Variants in ACIN1 observed in about 807,000 individuals in gnomAD.
The protein encoded by ACIN1 is apoptotic chromatin condensation inducer 1.
ACIN1 carries 16 observed loss-of-function variants against 146.6 expected under a neutral mutation model. The observed-to-expected ratio is 0.11, with a 90% CI of 0.07 to 0.17. The LOEUF is 0.17. Ranked by LOEUF, ACIN1 falls within the 10% of genes least tolerant of loss-of-function variation. The pLI is 1.00. For synonymous variants in ACIN1, 569 were observed against 582.7 expected (o/e 0.98, Z 0.34); for missense variants, 1,357 against 1,609.3 (o/e 0.84, Z 2.68).
intron 18 of ACIN1, 40 bp downstream of exon 18, chr14:23,061,044 C>T (rs750934197): frequency 1.3e-6 from 2 of 1,585,574 alleles, no homozygotes; most frequent in Admixed American, 1.7e-5. Context: ...CCTCAAGCCT[C>T]AGTGCCACTA....
chr14:23,063,079 CAAG>C lies in ACIN1; in HGVS notation c.2738-8_2738-6del. On this transcript the variant is annotated splice_polypyrimidine_tract_variant and splice_region_variant and intron_variant, in intron 13 of 18. Coordinates refer to ENST00000605057, the MANE Select transcript of ACIN1 (RefSeq NM_001386863.1). ...TTAAGGTATCTCCTAAAGTCACTAT[CAAG>C]AAGACCACAAGAACAGCTTTTGGTA... 1 of 1,600,944 alleles carries C rather than the reference CAAG, an allele frequency of 6.2e-7. No individual in the cohort carries two copies. The highest frequency in any genetic ancestry group is 8.5e-7 in the Non-Finnish European group (1 of 1,175,266).
upstream of ACIN1, chr14:23,095,605 G>C (rs915753242): frequency 2.8e-6 from 1 of 352,342 alleles, no homozygotes; most frequent in Admixed American, 4.5e-5. Flanking sequence ...GGTGCCCTTC[G>C]AGAGAAAAGG....
chr14:23,091,312 T>A (rs2048219946), intron 2 of ACIN1, among the ~76,000 whole-genome samples: 1 of 152,090 alleles, frequency 6.6e-6, no homozygotes. Flanking sequence ...TTTGGTAGTA[T>A]CAAGACTGAA....
intron 10 of ACIN1, among the ~76,000 whole-genome samples, chr14:23,064,915 G>GAA (rs2047403966): frequency 4.8e-5 from 5 of 103,626 alleles, no homozygotes; most frequent in African/African-American, 9.3e-5. Context: ...AAAAAGAAAA[G>GAA]AAATCATATT....
rs772165019 is a variant in ACIN1 at position 23,067,454 on chromosome 14, G to A, written c.2266-1446C>T. On this transcript the variant is annotated intron_variant, in intron 9 of 18. Transcript: ENST00000605057. The surrounding 1 kb of genome is among the most constrained non-coding windows in gnomAD (Gnocchi z 4.6). ...TTGGCAAAAAAGGTGGGCGCACGGCGTGGTAGTCAGCACGGCACTGCCAGA... is the reference window on the plus strand; with the variant it reads ...TTGGCAAAAAAGGTGGGCGCACGGCATGGTAGTCAGCACGGCACTGCCAGA... The A allele has an allele frequency of 1.3e-5, 13 of 984,754 alleles. No homozygotes were observed. The Admixed American group carries it at 2.5e-4, about 19-fold the overall frequency. 61.0% of individuals were successfully genotyped at this position (984,754 alleles called of 1,614,324 possible).
chr14:23,095,364 T>C, upstream of ACIN1: 2 of 1,500,502 alleles, frequency 1.3e-6, no homozygotes, highest in Non-Finnish European at 1.8e-6. Flanking sequence ...TTTCTTCGTC[T>C]TGCCGAAGCT....
chr14:23,076,836 C>T (rs2047814300), intron 8 of ACIN1, among the ~76,000 whole-genome samples: 1 of 151,920 alleles, frequency 6.6e-6, no homozygotes, highest in Non-Finnish European at 1.5e-5. Context: ...AATGTCACCC[C>T]ATTTCCTCAT....
rs901663343 is a variant in ACIN1, at chr14:23,059,064, G to A, written c.*84C>T. ...GATGTGAAAGACCCTTGGCTCCAGG[G>A]TGGTGGAGACTGTGCCTATCCCTCT... On this transcript the variant is annotated 3_prime_UTR_variant, in exon 19 of 19. Coordinates refer to ENST00000605057, the MANE Select transcript of ACIN1 (RefSeq NM_001386863.1). 1.8e-5 allele frequency: 24 copies of A among 1,324,390 alleles called. No individual in the cohort carries two copies. In the East Asian group the frequency reaches 5.5e-4, roughly 31 times the overall value. The allele number at this position is 1,324,390 out of a possible 1,614,324, so 82.0% of individuals were successfully genotyped here.
intron 8 of ACIN1, chr14:23,071,471 G>A (rs2047651386): frequency 6.4e-7 from 1 of 1,551,658 alleles, no homozygotes; most frequent in Non-Finnish European, 8.7e-7. Flanking sequence ...GGAGAAGGAG[G>A]AAGAGGGCCA....
intron 9 of ACIN1, chr14:23,069,197 T>G: frequency 8.8e-7 from 1 of 1,137,692 alleles, no homozygotes; most frequent in Non-Finnish European, 1.1e-6. Context: ...AAATCTTAGA[T>G]AAAGGGCCAT....
Position 23,079,631 on chromosome 14 carries a change from T to C in ACIN1, c.1704A>G (p.Arg568=). The change falls in exon 6 of 19, where the codon AGA becomes AGG. Residue 568 remains arginine, a synonymous_variant. Coordinates refer to ENST00000605057, the MANE Select transcript of ACIN1 (RefSeq NM_001386863.1). ...QARTHANPRG[R]PKMGSRSTSE... is the part of the protein sequence containing the mutation. ...ATGTTGATCTGGAGCCCATCTTGGG[T>C]CTACCACGAGGGTTGGCATGAGTAC... 6.2e-7 allele frequency: 1 copy of C among 1,614,104 alleles called. No homozygotes were observed. The highest frequency in any genetic ancestry group is 8.5e-7 in the Non-Finnish European group (1 of 1,180,012).
At chr14:23,094,614 C>T (rs1268996372) in intron 1 of ACIN1, 2 of 857,424 alleles carry the variant, frequency 2.3e-6, no homozygotes, top group African/African-American at 1.8e-5. Context: ...CCCAACTCGC[C>T]CCCCTCAGGC....
chr14:23,063,300 A>T (rs973918552), intron 13 of ACIN1, 136 bp downstream of exon 13: 1 of 1,256,348 alleles, frequency 8.0e-7, no homozygotes, highest in African/African-American at 1.5e-5. Context: ...AGCTTACTTA[A>T]TATGTAGGAG....
chr14:23,075,324 T>C (rs72684317), intron 8 of ACIN1, among the ~76,000 whole-genome samples: 851 of 66,084 alleles, frequency 0.013, 5 homozygotes, highest in South Asian at 0.047. Context: ...TTTCTTCCCC[T>C]TTTTTTTTTT....
intron 14 of ACIN1, 77 bp from the exon 15 acceptor site, chr14:23,062,600 G>A: frequency 4.5e-6 from 6 of 1,343,836 alleles, no homozygotes; most frequent in African/African-American, 1.4e-5. Context: ...CCGAGCTGCT[G>A]TCACAGGAGT....
At position 23,078,272 on chromosome 14, in the gene ACIN1, A is replaced by G. The variant is rs2047851483; in HGVS notation, c.2008-6T>C. 8 of 1,613,624 alleles carry G rather than the reference A, an allele frequency of 5.0e-6. No individual in the cohort carries two copies. Among genetic ancestry groups the G allele is most frequent in the Non-Finnish European group, 6.8e-6 (8 of 1,179,614 alleles). ...TCACACTTCTTTGGGCTCCCCTGTC[A>G]GGAGATAGCAAAAACGAACAGAGCA... On this transcript the variant is annotated splice_polypyrimidine_tract_variant and splice_region_variant and intron_variant, in intron 7 of 18. Transcript: ENST00000605057.
chr14:23,074,714 G>A (rs1420253044), intron 8 of ACIN1, among the ~76,000 whole-genome samples: 1 of 152,082 alleles, frequency 6.6e-6, no homozygotes, highest in East Asian at 1.9e-4. Flanking sequence ...ATAAGCAGTG[G>A]GGATATCTAC....
At chr14:23,078,075 A>G in intron 8 of ACIN1, 76 bp downstream of exon 8, 1 of 1,375,440 alleles carries the variant, frequency 7.3e-7, no homozygotes, top group Non-Finnish European at 1.0e-6. Context: ...CTGCTTAGTC[A>G]AAGAACCCTA....
chr14:23,076,321 T>C (rs2140125561), intron 8 of ACIN1: 1 of 152,316 alleles, frequency 6.6e-6, no homozygotes, highest in Non-Finnish European at 1.5e-5. Context: ...AGACTGCATT[T>C]CCCTTCTATA....
Sources: allele counts gnomAD v4.1 joint callset (sites outside exome capture counted in the v4.1 genomes callset), GRCh38; gene constraint gnomAD v4.1.1; non-coding constraint Gnocchi (gnomAD v3.1); transcripts MANE v1.5; gene names NCBI Gene and HGNC (gene_info 2026-07-23, HGNC 2026-07-21).